Variants in KAZN observed in about 807,000 individuals in gnomAD.
KAZN encodes the protein kazrin, periplakin interacting protein, also known as kazrin.
In KAZN, 40 loss-of-function variants were observed where a neutral mutation model predicts 87.4. The ratio of observed to expected loss-of-function variants is 0.46; its 90% CI spans 0.36 to 0.60. The LOEUF is 0.60. Among genes scored for constraint, KAZN ranks in the 20% least tolerant of loss-of-function variants. The pLI is 0.00. For synonymous variants in KAZN, 466 were observed against 458.3 expected (o/e 1.02, Z -0.22); for missense variants, 898 against 1,073.9 (o/e 0.84, Z 2.29).
At chr1:14,483,123 T>C (rs989879788) in intron 2 of KAZN, among the ~76,000 whole-genome samples, 1 of 152,190 alleles carries the variant, frequency 6.6e-6, no homozygotes, top group African/African-American at 2.4e-5. Flanking sequence ...CCCATCCAAG[T>C]TTACACTTCA....
intron 2 of KAZN, among the ~76,000 whole-genome samples, chr1:14,236,883 C>T (rs1648478759): frequency 6.6e-6 from 1 of 152,138 alleles, no homozygotes; most frequent in Non-Finnish European, 1.5e-5. Flanking sequence ...ATGATCACAC[C>T]ACTGCACTCC....
At chr1:14,620,557 AGAG>A (rs764245250) in intron 1 of KAZN, among the ~76,000 whole-genome samples, 6 of 152,204 alleles carry the variant, frequency 3.9e-5, no homozygotes, top group African/African-American at 1.2e-4. Context: ...CATGTTGTCC[AGAG>A]GAGATTTGTG....
At chr1:14,987,150 T>C (rs1666902831) in intron 2 of KAZN, among the ~76,000 whole-genome samples, 1 of 151,986 alleles carries the variant, frequency 6.6e-6, no homozygotes, top group African/African-American at 2.4e-5. Flanking sequence ...AGGATTCAAA[T>C]GGGAAGGCGC....
Position 14,872,938 on chromosome 1 carries a change from A to AGACGGATG in KAZN, c.227-87744_227-87743insCGGATGGA, listed in dbSNP as rs1553149095. On this transcript the variant is annotated intron_variant, in intron 1 of 14. Transcript: ENST00000376030. ...TGGGTGGATGGATGGATGGATGGAT[A>AGACGGATG]GATGGATGGATGGATGGATGGATGG... is the stretch of plus-strand genomic sequence containing the variant. Among the ~76,000 whole-genome samples the AGACGGATG allele has an allele frequency of 1.7e-3, 252 of 146,230 alleles. 1 individual carries two copies. The highest frequency in any genetic ancestry group is 6.2e-3 in the African/African-American group (242 of 39,286).
chr1:14,283,914 G>A (rs539676306), intron 2 of KAZN, among the ~76,000 whole-genome samples: 1 of 152,260 alleles, frequency 6.6e-6, no homozygotes, highest in East Asian at 1.9e-4. Flanking sequence ...ATGAAATAGT[G>A]TTTGACCATA....
chr1:14,636,369 G>GGA lies in KAZN; in HGVS notation c.226+37152_226+37153dup, dbSNP rs767065696. Among the ~76,000 whole-genome samples the GGA allele has an allele frequency of 1.3e-4, 20 of 152,310 alleles. 1 individual carries two copies. The highest frequency in any genetic ancestry group is 9.1e-4 in the Admixed American group (14 of 15,302). ...AACTTGGATTCTGTGACCTCTAGAT[G>GGA]GAGAGAGTGTTGTCTGACCCCCAGC... On this transcript the variant is annotated intron_variant, in intron 1 of 14. Transcript: ENST00000376030.
chr1:14,957,332 C>T (rs1041360493), intron 1 of KAZN, among the ~76,000 whole-genome samples: 1 of 152,212 alleles, frequency 6.6e-6, no homozygotes, highest in African/African-American at 2.4e-5. Context: ...CCAGTGCCCC[C>T]GTGCCTAGAG....
intron 2 of KAZN, among the ~76,000 whole-genome samples, chr1:14,430,213 C>CAAA (rs35741487): frequency 1.9e-5 from 2 of 105,826 alleles, no homozygotes; most frequent in Non-Finnish European, 2.0e-5. Context: ...GCCCTGCAAC[C>CAAA]AAAAAAAAAA....
At chr1:14,227,271 T>G (rs1198816883) in intron 2 of KAZN, among the ~76,000 whole-genome samples, 1 of 152,158 alleles carries the variant, frequency 6.6e-6, no homozygotes, top group Non-Finnish European at 1.5e-5. Flanking sequence ...AACCATCATT[T>G]TATGATGCTT....
chr1:14,457,202 G>A (rs1005883549), intron 2 of KAZN, among the ~76,000 whole-genome samples: 1 of 152,154 alleles, frequency 6.6e-6, no homozygotes, highest in Non-Finnish European at 1.5e-5. Flanking sequence ...CACCAAACTC[G>A]GCATTATCCA....
In KAZN at chr1:14,392,770, C is replaced by T. The variant is rs189930867; in HGVS notation, c.250-206213C>T. Among the ~76,000 whole-genome samples the T allele has an allele frequency of 2.9e-3, 449 of 152,238 alleles. 2 individuals are homozygous for T. The highest frequency in any genetic ancestry group is 9.8e-3 in the African/African-American group (409 of 41,552). On this transcript the variant is annotated intron_variant, in intron 2 of 16. Transcript: ENST00000636203. ...CGGGTGTGGGGGTGGGGGGACAAAA[C>T]TGCACTAGTTAAGAATTGCTAGTTT...
rs200270718 is a variant in KAZN, at chr1:13,910,376, TG to T, written c.91+16621del. ...ACAAAAAATTAGCTGGGTGTGGTGG[TG>T]CATGCCTGTAATCCCAGCTACCCAG... On this transcript the variant is annotated intron_variant, in intron 1 of 16. Transcript: ENST00000636203. 1.1e-3 allele frequency among the ~76,000 whole-genome samples: 171 copies of T among 151,978 alleles called. 5 individuals carry two copies. In the East Asian group the frequency reaches 0.03, roughly 27 times the overall value.
chr1:14,573,809 T>G (rs969356732), intron 2 of KAZN, among the ~76,000 whole-genome samples: 1 of 152,038 alleles, frequency 6.6e-6, no homozygotes, highest in East Asian at 1.9e-4. Flanking sequence ...CCCCTAAGAT[T>G]GTCACTTTTG....
intron 1 of KAZN, among the ~76,000 whole-genome samples, chr1:14,892,869 G>A (rs1483431603): frequency 2.0e-5 from 3 of 152,028 alleles, no homozygotes; most frequent in African/African-American, 7.2e-5. Flanking sequence ...CAGAAGAAAG[G>A]AAAAAAGGAA....
At chr1:14,811,266 C>T (rs804137) in intron 1 of KAZN, among the ~76,000 whole-genome samples, 37,550 of 152,182 alleles carry the variant, frequency 0.25, 5,227 homozygotes, top group South Asian at 0.38. Flanking sequence ...TTATATAACA[C>T]AGTTCATTGT....
At chr1:13,915,807 CCTT>C (rs1240217946) in intron 1 of KAZN, among the ~76,000 whole-genome samples, 2 of 152,240 alleles carry the variant, frequency 1.3e-5, no homozygotes, top group Non-Finnish European at 2.9e-5. Context: ...TCTCTGAACA[CCTT>C]CTGCATAGTC....
intron 1 of KAZN, among the ~76,000 whole-genome samples, chr1:13,955,827 A>G (rs1468660405): frequency 6.6e-6 from 1 of 152,262 alleles, no homozygotes; most frequent in African/African-American, 2.4e-5. Context: ...GATAAATGAA[A>G]GAAGAGGCAC....
At chr1:14,493,087 C>CA (rs1475120814) in intron 2 of KAZN, among the ~76,000 whole-genome samples, 9 of 152,142 alleles carry the variant, frequency 5.9e-5, no homozygotes, top group African/African-American at 1.7e-4. Flanking sequence ...TCCACGCAGC[C>CA]TTTCTGGACC....
intron 2 of KAZN, among the ~76,000 whole-genome samples, chr1:14,397,721 C>A (rs916875123): frequency 6.6e-6 from 1 of 151,674 alleles, no homozygotes; most frequent in Non-Finnish European, 1.5e-5. Flanking sequence ...ATTAGCTGGG[C>A]GTGGTGGCAG....
Sources: gnomAD v4.1 joint callset for allele counts (sites outside exome capture counted in the v4.1 genomes callset) on GRCh38, gnomAD v4.1.1 for gene constraint, MANE v1.5 for transcripts, NCBI Gene and HGNC (gene_info 2026-07-23, HGNC 2026-07-21) for gene names.